LMTK3: variants seen among roughly 807,000 people sequenced by gnomAD.
The protein encoded by LMTK3 is lemur tail kinase 3.
LMTK3 carries 27 observed loss-of-function variants against 116.7 expected under a neutral mutation model. The ratio of observed to expected loss-of-function variants is 0.23; its 90% CI spans 0.17 to 0.32. LMTK3 has a LOEUF of 0.32. Ranked by LOEUF, LMTK3 falls within the 10% of genes least tolerant of loss-of-function variation. The pLI is 1.00. For synonymous variants in LMTK3, 965 were observed against 971.0 expected (o/e 0.99, Z 0.11); for missense variants, 1,764 against 2,068.5 (o/e 0.85, Z 2.86).
At chr19:48,505,614 C>T (rs1972554572) in intron 5 of LMTK3, among the ~76,000 whole-genome samples, 1 of 152,126 alleles carries the variant, frequency 6.6e-6, no homozygotes, top group Non-Finnish European at 1.5e-5. Flanking sequence ...GTAATCCCTG[C>T]ACTTTGGGAG....
Position 48,499,051 on chromosome 19 carries a change from C to A in LMTK3, c.2018G>T (p.Ser673Ile). ...RRGPLPCPLCSREGACSCLPL... is the reference protein window; with the variant it reads ...RRGPLPCPLCIREGACSCLPL... ...CAGGCAGGAGCAGGCCCCCTCGCGG[C>A]TGCACAGGGGACAGGGTAGGGGACC... Residue 673 changes from serine to isoleucine, a missense_variant, in exon 11 of 15, where the codon AGC (serine) becomes ATC (isoleucine). This residue lies in a region of LMTK3 where 1,028 missense variants were observed against 1,050.6 expected (regional missense o/e 0.98). Coordinates refer to ENST00000600059, the MANE Select transcript of LMTK3 (RefSeq NM_001388485.1). 2 of 1,516,962 alleles carry A rather than the reference C, an allele frequency of 1.3e-6. No individual in the cohort carries two copies. The highest frequency in any genetic ancestry group is 5.1e-5 in the East Asian group (2 of 38,886). 94.0% of individuals were successfully genotyped at this position (1,516,962 alleles called of 1,614,324 possible).
chr19:48,493,666 C>T lies in LMTK3; in HGVS notation c.4092+28G>A, dbSNP rs1386417693. 7.1e-6 allele frequency: 11 copies of T among 1,547,256 alleles called. No homozygotes were observed. In the South Asian group the frequency reaches 1.1e-4, roughly 15 times the overall value. On this transcript the variant is annotated intron_variant, in intron 12 of 14. Transcript: ENST00000600059. ...TCCTGCTCCCTCCAGGCCGCGACCC[C>T]GAAACCGCGCCCTCTCGGGTTCCGC...
Position 48,510,007 on chromosome 19 carries a change from T to C in LMTK3, c.361+16A>G, listed in dbSNP as rs1310522039. On this transcript the variant is annotated intron_variant, in intron 3 of 14. Coordinates refer to ENST00000600059, the MANE Select transcript of LMTK3 (RefSeq NM_001388485.1). ...CCGGGACACCATGGGATGCTGGTCA[T>C]GGCGTGGGGCAGTACCTGAGTGTGA... is the stretch of plus-strand genomic sequence containing the variant. 2.5e-6 allele frequency: 4 copies of C among 1,612,476 alleles called. No homozygotes were observed. The Admixed American group carries it at 6.7e-5, about 27-fold the overall frequency.
At chr19:48,503,155 G>T (rs1462962796) in intron 5 of LMTK3, among the ~76,000 whole-genome samples, 159 bp from the exon 6 acceptor site, 1 of 152,194 alleles carries the variant, frequency 6.6e-6, no homozygotes, top group Admixed American at 6.5e-5. Flanking sequence ...CCAGGCGGGA[G>T]TCCTGCCTCA....
At chr19:48,488,224 C>T (rs979539539) in intron 14 of LMTK3, among the ~76,000 whole-genome samples, 3 of 152,192 alleles carry the variant, frequency 2.0e-5, no homozygotes, top group Admixed American at 6.5e-5. Context: ...AGAGGCCCTG[C>T]GATGATGGCC....
chr19:48,511,034 T>A (rs1972650180), intron 1 of LMTK3, among the ~76,000 whole-genome samples: 1 of 152,164 alleles, frequency 6.6e-6, no homozygotes, highest in Non-Finnish European at 1.5e-5. Context: ...CCCCCCAGTT[T>A]GTGGGGTTGA....
At position 48,499,730 on chromosome 19, in the gene LMTK3, G is replaced by A; in HGVS notation, c.1339C>T (p.Leu447Phe). Residue 447 changes from leucine to phenylalanine, a missense_variant, in exon 11 of 15, where the codon CTC (leucine) becomes TTC (phenylalanine). Physicochemically the swap from Leu to Phe is conservative, Grantham distance 22. This residue lies in a region of LMTK3 where 63 missense variants were observed against 65.0 expected (regional missense o/e 0.97). Coordinates refer to ENST00000600059, the MANE Select transcript of LMTK3 (RefSeq NM_001388485.1). ...PAHSAPRPGTLSSPFPLLDGF... is the reference protein window; with the variant it reads ...PAHSAPRPGTFSSPFPLLDGF... ...TCCAGTAGGGGGAACGGTGAGGAGA[G>A]GGTCCCCGGGCGGGGCGCACTGTGT... The A allele has an allele frequency of 2.0e-6, 3 of 1,529,270 alleles. No homozygotes were observed. Among genetic ancestry groups the A allele is most frequent in the Non-Finnish European group, 2.6e-6 (3 of 1,136,222 alleles). 94.7% of individuals were successfully genotyped at this position (1,529,270 alleles called of 1,614,324 possible). A position where few individuals can be genotyped will look rare whatever the true frequency, so the allele number is the denominator to read the frequency against.
At position 48,491,508 on chromosome 19, in the gene LMTK3, G is replaced by A. The variant is rs747034662; in HGVS notation, c.4124C>T (p.Ala1375Val). 2.1e-5 allele frequency: 29 copies of A among 1,402,144 alleles called. No homozygotes were observed. Among genetic ancestry groups the A allele is most frequent in the East Asian group, 2.8e-5 (1 of 35,236 alleles). 86.9% of individuals were successfully genotyped at this position (1,402,144 alleles called of 1,614,324 possible). The change falls in exon 13 of 15, where the codon GCC (alanine) becomes GTC (valine). Residue 1375 changes from alanine to valine, a missense_variant. This residue lies in a region of LMTK3 where 281 missense variants were observed against 301.4 expected (regional missense o/e 0.93). Coordinates refer to ENST00000600059, the MANE Select transcript of LMTK3 (RefSeq NM_001388485.1). The surrounding 1 kb of genome is among the most constrained non-coding windows in gnomAD (Gnocchi z 5.1). Reference sequence around the variant, plus strand: ...CGGGTCCGTGTCCCCCTCGGGGGGGGCCTGGACGCTCAGCTCGTTGGTTGG... The same window carrying A: ...CGGGTCCGTGTCCCCCTCGGGGGGGACCTGGACGCTCAGCTCGTTGGTTGG... ...ETPTNELSVQ[A>V]PPEGDTDPST...
At chr19:48,493,272 C>T (rs1407129763) in intron 12 of LMTK3, among the ~76,000 whole-genome samples, 29 of 151,154 alleles carry the variant, frequency 1.9e-4, no homozygotes, top group African/African-American at 6.1e-4. Flanking sequence ...TCGTCTAGGC[C>T]CCGCCCCAGG....
At chr19:48,508,774 G>T in intron 5 of LMTK3, 77 bp downstream of exon 5, 2 of 1,107,838 alleles carry the variant, frequency 1.8e-6, no homozygotes, top group Non-Finnish European at 2.8e-6. Context: ...GATTCCAGGT[G>T]TGACCCCATA....
rs781066186 is a variant in LMTK3 at position 48,498,259 on chromosome 19, G to A, written c.2810C>T (p.Pro937Leu). The change falls in exon 11 of 15, where the codon CCA becomes CTA. Residue 937 changes from proline to leucine, a missense_variant. By Grantham distance (98) the Pro-to-Leu change is moderately conservative (BLOSUM62 -3). Around this residue, in one of 7 missense-constraint regions of LMTK3, gnomAD observed 1,028 missense variants for 1,050.6 expected, o/e 0.98. Coordinates refer to ENST00000600059, the MANE Select transcript of LMTK3 (RefSeq NM_001388485.1). The stretch of plus-strand genomic sequence containing the variant: ...CTCCGCCGCCTTCTCCTCGATGCCT[G>A]GGGCTCTCTGGTCCCCGTTCTCCAG... ...TVLENGDQRA[P>L]GIEEKAAENG... The A allele has an allele frequency of 6.2e-7, 1 of 1,613,332 alleles. No homozygotes were observed. Among genetic ancestry groups the A allele is most frequent in the African/African-American group, 1.3e-5 (1 of 74,830 alleles).
In LMTK3 at chr19:48,499,266, C is replaced by G; in HGVS notation, c.1803G>C (p.Ala601=). ...APRPFPAQSS[A]SGSFLLSGWD... is the part of the protein sequence containing the mutation. ...AGCCGCTCAGCAGGAAGCTGCCTGA[C>G]GCTGAGGACTGGGCTGGGAAGGGCC... Residue 601 remains alanine, a synonymous_variant, in exon 11 of 15, where the codon GCG becomes GCC. Coordinates refer to ENST00000600059, the MANE Select transcript of LMTK3 (RefSeq NM_001388485.1). The G allele has an allele frequency of 7.1e-7, 1 of 1,398,642 alleles. No individual in the cohort carries two copies. Among genetic ancestry groups the G allele is most frequent in the Non-Finnish European group, 9.3e-7 (1 of 1,074,074 alleles). 86.6% of individuals were successfully genotyped at this position (1,398,642 alleles called of 1,614,324 possible). A position where few individuals can be genotyped will look rare whatever the true frequency, so the allele number is the denominator to read the frequency against.
Position 48,510,563 on chromosome 19 carries a change from C to G in LMTK3, c.106G>C (p.Ala36Pro). ...ATGAGGACCACAGCGTAGGGAGGAG[C>G]CAGAGGAGCCCGGCCCAGGGCGAAT... is the stretch of plus-strand genomic sequence containing the variant. ...DGFALGRAPL[A>P]PPYAVVLISC... The change falls in exon 2 of 15, where the codon GCT (alanine) becomes CCT (proline). Residue 36 changes from alanine to proline, a missense_variant. Ala to Pro is a conservative substitution (Grantham distance 27, BLOSUM62 -1). Around this residue, in one of 7 missense-constraint regions of LMTK3, gnomAD observed 66 missense variants for 61.1 expected, o/e 1.08. Coordinates refer to ENST00000600059, the MANE Select transcript of LMTK3 (RefSeq NM_001388485.1). 1 of 1,595,226 alleles carries G rather than the reference C, an allele frequency of 6.3e-7. No homozygotes were observed. The highest frequency in any genetic ancestry group is 2.3e-5 in the East Asian group (1 of 44,202).
rs1240165228 is a variant in LMTK3 at position 48,511,757 on chromosome 19, C to G, written c.-181G>C. 1 of 405,426 alleles carries G rather than the reference C, an allele frequency of 2.5e-6. No homozygotes were observed. The highest frequency in any genetic ancestry group is 3.6e-5 in the East Asian group (1 of 27,458). 25.1% of individuals were successfully genotyped at this position (405,426 alleles called of 1,614,324 possible). A position where few individuals can be genotyped will look rare whatever the true frequency, so the allele number is the denominator to read the frequency against. On this transcript the variant is annotated 5_prime_UTR_variant, in exon 1 of 15. Coordinates refer to ENST00000600059, the MANE Select transcript of LMTK3 (RefSeq NM_001388485.1). ...TTGCTGGCTCAGGTACCCCCCTCCC[C>G]CTCTTTGAAGGGACAGACGGATGAA...
intron 11 of LMTK3, among the ~76,000 whole-genome samples, chr19:48,495,443 G>T (rs180910696): frequency 6.6e-6 from 1 of 152,250 alleles, no homozygotes; most frequent in East Asian, 1.9e-4. Flanking sequence ...GGAAAAAGCG[G>T]GCCATTCTCT....
intron 2 of LMTK3, 66 bp from the exon 3 acceptor site, chr19:48,510,239 T>C: frequency 6.5e-7 from 1 of 1,549,844 alleles, no homozygotes; most frequent in South Asian, 1.2e-5. Flanking sequence ...ATCGTCTTTC[T>C]CTTAAGTTTG....
chr19:48,493,615 C>G, intron 12 of LMTK3, 79 bp downstream of exon 12: 1 of 1,464,804 alleles, frequency 6.8e-7, no homozygotes, highest in Non-Finnish European at 9.1e-7. Flanking sequence ...GCTCGGCCTC[C>G]CGCCAGGCCC....
intron 7 of LMTK3, 104 bp downstream of exon 7, chr19:48,502,329 T>C: frequency 7.3e-7 from 1 of 1,369,062 alleles, no homozygotes; most frequent in Non-Finnish European, 9.9e-7. Flanking sequence ...CTATTTTGTG[T>C]CAGCCAGTCA....
At position 48,498,317 on chromosome 19, in the gene LMTK3, T is replaced by C. The variant is rs1972375179; in HGVS notation, c.2752A>G (p.Ser918Gly). ...ACCCCGTTCACTGGGAGGCTCAGGC[T>C]TGGGGCTTGTTTCCCGTTGCCCAGG... ...TVLGNGKQAP[S>G]LSLPVNGVTV... is the part of the protein sequence containing the mutation. The change falls in exon 11 of 15, where the codon AGC (serine) becomes GGC (glycine). Residue 918 changes from serine (S) to glycine (G), a missense_variant. By Grantham distance (56) the Ser-to-Gly change is moderately conservative (BLOSUM62 0). Around this residue, in one of 7 missense-constraint regions of LMTK3, gnomAD observed 1,028 missense variants for 1,050.6 expected, o/e 0.98. Coordinates refer to ENST00000600059, the MANE Select transcript of LMTK3 (RefSeq NM_001388485.1). 2.5e-6 allele frequency: 4 copies of C among 1,613,240 alleles called. No homozygotes were observed. Among genetic ancestry groups the C allele is most frequent in the Middle Eastern group, 1.6e-4 (1 of 6,080 alleles).
Sources: allele counts gnomAD v4.1 joint callset (sites outside exome capture counted in the v4.1 genomes callset), GRCh38; gene constraint gnomAD v4.1.1; regional missense constraint gnomAD v4.1.1; non-coding constraint Gnocchi (gnomAD v3.1); transcripts MANE v1.5; gene names NCBI Gene and HGNC (gene_info 2026-07-23, HGNC 2026-07-21).